Variants in INPP4B observed in about 807,000 individuals in gnomAD.
INPP4B encodes inositol polyphosphate 4-phosphatase type II.
Under a neutral mutation model 122.5 loss-of-function variants are expected in INPP4B, and 55 were observed. That is an observed-to-expected ratio of 0.45 (90% CI 0.36 to 0.56). The LOEUF is 0.56. Ranked by LOEUF, INPP4B falls within the 20% of genes least tolerant of loss-of-function variation. INPP4B has a pLI of 0.00. For synonymous variants in INPP4B, 403 were observed against 388.7 expected (o/e 1.04, Z -0.43); for missense variants, 1,000 against 1,097.7 (o/e 0.91, Z 1.26).
intron 8 of INPP4B, among the ~76,000 whole-genome samples, chr4:142,313,401 T>C (rs1766298025): frequency 6.6e-6 from 1 of 152,160 alleles, no homozygotes; most frequent in East Asian, 1.9e-4. Flanking sequence ...TTAAAAAGTC[T>C]CACATTTTAT....
chr4:142,729,942 T>C (rs62331905), intron 1 of INPP4B, among the ~76,000 whole-genome samples: 1 of 149,042 alleles, frequency 6.7e-6, no homozygotes, highest in Non-Finnish European at 1.5e-5. Context: ...TCTTTGGTCT[T>C]TGAATTAATC....
intron 18 of INPP4B, among the ~76,000 whole-genome samples, chr4:142,130,481 G>A (rs1415446847): frequency 6.6e-6 from 1 of 152,100 alleles, no homozygotes; most frequent in Admixed American, 6.5e-5. Flanking sequence ...TAGGGGTGGG[G>A]ATAAAGGACG....
intron 1 of INPP4B, among the ~76,000 whole-genome samples, chr4:142,750,376 T>TA (rs534147753): frequency 1.3e-5 from 2 of 152,072 alleles, no homozygotes; most frequent in South Asian, 2.1e-4. Flanking sequence ...TTGAAAGTAA[T>TA]AAAAAATGAC....
chr4:142,657,972 T>C (rs1038897685), intron 2 of INPP4B, among the ~76,000 whole-genome samples: 1 of 152,202 alleles, frequency 6.6e-6, no homozygotes, highest in African/African-American at 2.4e-5. Flanking sequence ...ATTTGACATG[T>C]TTAGGTACAT....
chr4:142,654,026 A>T (rs551255454), intron 2 of INPP4B, among the ~76,000 whole-genome samples: 211 of 152,324 alleles, frequency 1.4e-3, no homozygotes, highest in African/African-American at 4.6e-3. Flanking sequence ...TACACCATGG[A>T]ATACTATGCA....
chr4:142,500,988 G>A (rs1823301387), intron 2 of INPP4B, among the ~76,000 whole-genome samples: 1 of 152,090 alleles, frequency 6.6e-6, no homozygotes, highest in Non-Finnish European at 1.5e-5. Context: ...ATACTATATT[G>A]TAAAATTAAA....
intron 1 of INPP4B, among the ~76,000 whole-genome samples, chr4:142,737,144 G>T (rs1170935948): frequency 2.0e-5 from 3 of 152,242 alleles, no homozygotes; most frequent in African/African-American, 7.2e-5. Flanking sequence ...AAAAGAGCCT[G>T]CATTGCCAAG....
rs932820052 is a variant in INPP4B, at chr4:142,367,782, T to C, written c.372+35156A>G. On this transcript the variant is annotated intron_variant, in intron 7 of 25. Coordinates refer to ENST00000262992, the MANE Select transcript of INPP4B (RefSeq NM_001101669.3). Reference sequence around the variant, plus strand: ...TGACACTAGAATAAGGTTAGAGATCTACCTCTGCTATGCAATTGTATGCAG... The same window carrying C: ...TGACACTAGAATAAGGTTAGAGATCCACCTCTGCTATGCAATTGTATGCAG... 3.3e-5 allele frequency among the ~76,000 whole-genome samples: 5 copies of C among 152,316 alleles called. No individual in the cohort carries two copies. In the East Asian group the frequency reaches 7.7e-4, roughly 24 times the overall value.
intron 7 of INPP4B, among the ~76,000 whole-genome samples, chr4:142,319,647 A>C (rs2151392501): frequency 6.6e-6 from 1 of 152,264 alleles, no homozygotes; most frequent in African/African-American, 2.4e-5. Context: ...GATTTTGCAA[A>C]AGTGAATATA....
chr4:142,159,894 C>T (rs1362398885), intron 17 of INPP4B, among the ~76,000 whole-genome samples: 1 of 151,802 alleles, frequency 6.6e-6, no homozygotes, highest in South Asian at 2.1e-4. Flanking sequence ...GAACCTTGAG[C>T]GAGAGGGATT....
intron 2 of INPP4B, among the ~76,000 whole-genome samples, chr4:142,587,832 CTATTA>C (rs1736561465): frequency 1.3e-5 from 2 of 151,974 alleles, no homozygotes; most frequent in Admixed American, 6.6e-5. Context: ...TCCTCTTATT[CTATTA>C]TGACAGAATT....
At chr4:142,062,877 G>A (rs1761759706) in intron 25 of INPP4B, among the ~76,000 whole-genome samples, 1 of 152,162 alleles carries the variant, frequency 6.6e-6, no homozygotes, top group Admixed American at 6.5e-5. Flanking sequence ...TTTCAACACT[G>A]ATCCAACAGA....
At chr4:142,111,361 T>C (rs1478371978) in intron 22 of INPP4B, among the ~76,000 whole-genome samples, 1 of 152,168 alleles carries the variant, frequency 6.6e-6, no homozygotes, top group Non-Finnish European at 1.5e-5. Flanking sequence ...TTGTTTGTTT[T>C]TTGAGACGGA....
chr4:142,720,894 G>C lies in INPP4B; in HGVS notation c.-191+4945C>G, dbSNP rs1443679230. Among the ~76,000 whole-genome samples the C allele has an allele frequency of 6.7e-5, 5 of 74,244 alleles. No homozygotes were observed. The South Asian group carries it at 2.3e-3, about 34-fold the overall frequency. The allele number at this position is 74,244 out of a possible 152,430, so 48.7% of individuals were successfully genotyped here. A position where few individuals can be genotyped will look rare whatever the true frequency, so the allele number is the denominator to read the frequency against. ...TGTCACCCAGGCTGGAGTGCATCTC[G>C]TGTGTGTGTGTGTGTGTGTGTGTGT... On this transcript the variant is annotated intron_variant, in intron 2 of 25. Transcript: ENST00000262992.
At chr4:142,828,715 G>T (rs889815061) in intron 1 of INPP4B, among the ~76,000 whole-genome samples, 1 of 152,156 alleles carries the variant, frequency 6.6e-6, no homozygotes, top group African/African-American at 2.4e-5. Flanking sequence ...AACAGTTATT[G>T]AACCTCGAGA....
chr4:142,375,099 C>G (rs143665406), intron 7 of INPP4B, among the ~76,000 whole-genome samples: 1 of 151,866 alleles, frequency 6.6e-6, no homozygotes, highest in African/African-American at 2.4e-5. Context: ...CTCTCAGATT[C>G]TAATCTCTTT....
intron 2 of INPP4B, among the ~76,000 whole-genome samples, chr4:142,617,186 T>C (rs1052691872): frequency 1.3e-5 from 2 of 152,132 alleles, no homozygotes; most frequent in Admixed American, 6.6e-5. Flanking sequence ...ATTTATTCTA[T>C]TCAGTGGCTT....
intron 10 of INPP4B, among the ~76,000 whole-genome samples, chr4:142,263,318 T>C (rs920831728): frequency 5.3e-5 from 8 of 152,154 alleles, no homozygotes; most frequent in African/African-American, 1.2e-4. Flanking sequence ...TCTAATAGCA[T>C]TGTCTTTGAC....
chr4:142,031,174 C>G (rs571493741), intron 25 of INPP4B, among the ~76,000 whole-genome samples: 2 of 151,922 alleles, frequency 1.3e-5, no homozygotes, highest in Non-Finnish European at 2.9e-5. Context: ...TAATTATGCT[C>G]TAGTTCATCA....
Sources: gnomAD v4.1 joint callset for allele counts (sites outside exome capture counted in the v4.1 genomes callset) on GRCh38, gnomAD v4.1.1 for gene constraint, MANE v1.5 for transcripts, NCBI Gene and HGNC (gene_info 2026-07-23, HGNC 2026-07-21) for gene names.